NUDCD3: variants seen among roughly 807,000 people sequenced by gnomAD.
NUDCD3 encodes the protein NudC domain containing 3.
A neutral mutation model predicts 39.7 loss-of-function variants in NUDCD3; 13 were observed. That is an observed-to-expected ratio of 0.33 (90% CI 0.21 to 0.52). NUDCD3 has a LOEUF of 0.52. Ranked by LOEUF, NUDCD3 falls within the 20% of genes least tolerant of loss-of-function variation. The probability of loss-of-function intolerance (pLI) is 0.96; values close to 1 mark genes in which losing one functional copy is unlikely to be tolerated. For missense variants in NUDCD3, 453 were observed against 458.1 expected, an observed-to-expected ratio of 0.99 and a Z score of 0.10; for synonymous variants, 175 against 172.4, an observed-to-expected ratio of 1.02 and a Z score of -0.12.
At chr7:44,426,170 G>A in intron 3 of NUDCD3, 2 of 985,424 alleles carry the variant, frequency 2.0e-6, no homozygotes, top group Non-Finnish European at 1.2e-6. Context: ...TAGTTTAAAG[G>A]GGGGTGACCG....
intron 2 of NUDCD3, among the ~76,000 whole-genome samples, chr7:44,454,190 T>C (rs1335250435): frequency 6.6e-6 from 1 of 151,890 alleles, no homozygotes; most frequent in Non-Finnish European, 1.5e-5. Flanking sequence ...ATACAAAAAA[T>C]TAGCTGGGCA....
At chr7:44,433,315 T>C (rs1585075644) in intron 2 of NUDCD3, among the ~76,000 whole-genome samples, 1 of 152,186 alleles carries the variant, frequency 6.6e-6, no homozygotes, top group South Asian at 2.1e-4. Flanking sequence ...GTGCACTGTG[T>C]GGTAAAAGTA....
intron 2 of NUDCD3, chr7:44,471,754 G>A (rs1246167625): frequency 6.6e-6 from 1 of 152,260 alleles, no homozygotes; most frequent in African/African-American, 2.4e-5. Context: ...GAAGCAAGGG[G>A]TGACAAAGAC....
At chr7:44,401,009 A>G (rs567000549) in intron 4 of NUDCD3, among the ~76,000 whole-genome samples, 17 of 152,294 alleles carry the variant, frequency 1.1e-4, no homozygotes, top group African/African-American at 2.9e-4. Flanking sequence ...GTACTTAATG[A>G]TAAGAAACCA....
At chr7:44,426,822 A>C (rs1799245707) in intron 3 of NUDCD3, among the ~76,000 whole-genome samples, 1 of 150,572 alleles carries the variant, frequency 6.6e-6, no homozygotes. Flanking sequence ...AAAAATAGCA[A>C]GGGAAGCAAG....
intron 2 of NUDCD3, among the ~76,000 whole-genome samples, chr7:44,436,847 T>C (rs1339967127): frequency 1.3e-5 from 2 of 152,218 alleles, no homozygotes; most frequent in African/African-American, 2.4e-5. Context: ...TTTCTAGTTA[T>C]AAGTTGTTGT....
At chr7:44,400,816 C>A (rs968255024) in intron 4 of NUDCD3, among the ~76,000 whole-genome samples, 1 of 152,166 alleles carries the variant, frequency 6.6e-6, no homozygotes, top group African/African-American at 2.4e-5. Flanking sequence ...TCTCCTGTTT[C>A]TTATAAAGAC....
intron 2 of NUDCD3, among the ~76,000 whole-genome samples, chr7:44,429,387 G>T (rs933016991): frequency 2.8e-4 from 43 of 152,166 alleles, no homozygotes. Context: ...TGAAGGCCAT[G>T]TGGAGACAAT....
intron 2 of NUDCD3, among the ~76,000 whole-genome samples, chr7:44,477,735 C>T (rs539264328): frequency 6.6e-6 from 1 of 151,900 alleles, no homozygotes; most frequent in Non-Finnish European, 1.5e-5. Flanking sequence ...TGTCTGCAGG[C>T]ACTGGTCACC....
chr7:44,404,897 G>A (rs1798790386), intron 3 of NUDCD3, among the ~76,000 whole-genome samples: 1 of 152,198 alleles, frequency 6.6e-6, no homozygotes, highest in South Asian at 2.1e-4. Flanking sequence ...AATTGTCACA[G>A]CAAAAAGTGA....
Position 44,379,323 on chromosome 7 carries a change from G to A in NUDCD3, c.*6688C>T, listed in dbSNP as rs2116845765. ...AAAACTTTTAAAATGACCATATCATGGAAAATTCTGGAGAGCAGTTATCTT... is the reference window on the plus strand; with the variant it reads ...AAAACTTTTAAAATGACCATATCATAGAAAATTCTGGAGAGCAGTTATCTT... On this transcript the variant is annotated 3_prime_UTR_variant, in exon 6 of 6. Transcript: ENST00000355451. 1 of 138,214 alleles carries A rather than the reference G, an allele frequency of 7.2e-6. No homozygotes were observed. The highest frequency in any genetic ancestry group is 2.4e-4 in the South Asian group (1 of 4,212). 8.6% of individuals were successfully genotyped at this position (138,214 alleles called of 1,614,324 possible).
chr7:44,486,989 C>G (rs1800624629), intron 1 of NUDCD3, among the ~76,000 whole-genome samples: 1 of 152,052 alleles, frequency 6.6e-6, no homozygotes, highest in South Asian at 2.1e-4. Context: ...AGTGACTCTC[C>G]CAAGATTTCT....
At chr7:44,486,898 T>C (rs1463506857) in intron 1 of NUDCD3, among the ~76,000 whole-genome samples, 8 of 152,202 alleles carry the variant, frequency 5.3e-5, no homozygotes, top group Admixed American at 3.9e-4. Flanking sequence ...TCAGTACTCA[T>C]TCTAGAGTCA....
intron 2 of NUDCD3, among the ~76,000 whole-genome samples, chr7:44,477,978 C>T (rs1047919758): frequency 1.3e-5 from 2 of 151,950 alleles, no homozygotes; most frequent in Admixed American, 1.3e-4. Flanking sequence ...AGATTACAGG[C>T]ACGCACCACC....
intron 3 of NUDCD3, 93 bp from the exon 4 acceptor site, chr7:44,404,676 A>G (rs1217874621): frequency 7.3e-6 from 10 of 1,363,788 alleles, no homozygotes; most frequent in Non-Finnish European, 1.0e-5. Flanking sequence ...AAGGTACCTG[A>G]CTGCACACTA....
intron 3 of NUDCD3, among the ~76,000 whole-genome samples, chr7:44,407,015 A>G (rs1055548474): frequency 6.6e-6 from 1 of 152,166 alleles, no homozygotes; most frequent in Non-Finnish European, 1.5e-5. Context: ...TGTTTGCTAC[A>G]GAAGAATGGA....
At chr7:44,424,212 A>G (rs182507027) in intron 3 of NUDCD3, among the ~76,000 whole-genome samples, 15 of 152,358 alleles carry the variant, frequency 9.8e-5, no homozygotes, top group Non-Finnish European at 1.8e-4. Flanking sequence ...CCTAGGCAAT[A>G]GCATTCAGGA....
intron 2 of NUDCD3, among the ~76,000 whole-genome samples, chr7:44,458,817 C>T (rs1317327885): frequency 1.3e-5 from 2 of 152,062 alleles, no homozygotes; most frequent in African/African-American, 4.8e-5. Flanking sequence ...GTATGGTGTG[C>T]CATGTGCACT....
At chr7:44,448,790 GA>G (rs1173628400) in intron 2 of NUDCD3, among the ~76,000 whole-genome samples, 4 of 151,184 alleles carry the variant, frequency 2.6e-5, no homozygotes, top group Admixed American at 6.6e-5. Flanking sequence ...GAGAGAGAGA[GA>G]AAAAAAAACT....
Sources: gnomAD v4.1 joint callset for allele counts (sites outside exome capture counted in the v4.1 genomes callset) on GRCh38, gnomAD v4.1.1 for gene constraint, MANE v1.5 for transcripts, NCBI Gene and HGNC (gene_info 2026-07-23, HGNC 2026-07-21) for gene names.